RASSF9: variants seen among roughly 807,000 people sequenced by gnomAD.
The protein encoded by RASSF9 is ras association domain-containing protein 9.
In RASSF9, 18 loss-of-function variants were observed where a neutral mutation model predicts 21.4. The ratio of observed to expected loss-of-function variants is 0.84; its 90% CI spans 0.58 to 1.25. The LOEUF (loss-of-function observed/expected upper bound fraction) is 1.25. Ranked by LOEUF, RASSF9 falls within the 50% of genes most tolerant of loss-of-function variation. RASSF9 has a pLI of 0.00. For synonymous variants in RASSF9, 183 were observed against 179.1 expected (o/e 1.02, Z -0.18); for missense variants, 480 against 503.2 (o/e 0.95, Z 0.44).
intron 1 of RASSF9, among the ~76,000 whole-genome samples, chr12:85,811,798 A>G (rs1879960055): frequency 6.6e-6 from 1 of 151,808 alleles, no homozygotes; most frequent in Non-Finnish European, 1.5e-5. Context: ...TAACAAGGTA[A>G]TTCACCAGAT....
rs746086153 is a variant in RASSF9 at position 85,805,402 on chromosome 12, C to T, written c.608G>A (p.Arg203Lys). 1.2e-6 allele frequency: 2 copies of T among 1,613,740 alleles called. No individual in the cohort carries two copies. The highest frequency in any genetic ancestry group is 1.1e-5 in the South Asian group (1 of 91,066). ...AATTTCCAGATCCAGCTCTTTCATTCTCTTGACTTGCTGATGAATAGTATG... is the reference window on the plus strand; with the variant it reads ...AATTTCCAGATCCAGCTCTTTCATTTTCTTGACTTGCTGATGAATAGTATG... ...QDHTIHQQVKRMKELDLEIEK... is the reference protein window; with the variant it reads ...QDHTIHQQVKKMKELDLEIEK... Residue 203 changes from arginine (R) to lysine (K), a missense_variant, in exon 2 of 2, where the codon AGA becomes AAA. By Grantham distance (26) the Arg-to-Lys change is conservative. Transcript: ENST00000361228.
At chr12:85,810,992 A>T (rs1268619672) in intron 1 of RASSF9, among the ~76,000 whole-genome samples, 1 of 151,884 alleles carries the variant, frequency 6.6e-6, no homozygotes, top group Admixed American at 6.6e-5. Flanking sequence ...ATGAAATCTC[A>T]TATCCCAAGA....
intron 1 of RASSF9, among the ~76,000 whole-genome samples, chr12:85,824,043 T>G (rs761343910): frequency 2.6e-4 from 39 of 152,302 alleles, no homozygotes; most frequent in Middle Eastern, 6.8e-3. Context: ...GTAAACCAAT[T>G]GTATGATGAT....
At chr12:85,806,023 G>A (rs958844001) in intron 1 of RASSF9, 61 bp from the exon 2 acceptor site, 1 of 1,495,506 alleles carries the variant, frequency 6.7e-7, no homozygotes, top group African/African-American at 1.4e-5. Context: ...TCAGAAAGAT[G>A]GTTTAACATT....
In RASSF9 at chr12:85,804,603, T is replaced by C. The variant is rs1879773475; in HGVS notation, c.*99A>G. On this transcript the variant is annotated 3_prime_UTR_variant, in exon 2 of 2. Coordinates refer to ENST00000361228, the MANE Select transcript of RASSF9 (RefSeq NM_005447.4). The stretch of plus-strand genomic sequence containing the variant: ...TTATTAACTATTGAATACTACAATA[T>C]GATTTACATTTTTTTGAGTGTTATA... The C allele has an allele frequency of 2.4e-6, 3 of 1,225,592 alleles. No homozygotes were observed. The highest frequency in any genetic ancestry group is 1.8e-5 in the South Asian group (1 of 56,062). The allele number at this position is 1,225,592 out of a possible 1,614,324, so 75.9% of individuals were successfully genotyped here.
At chr12:85,810,188 A>T (rs1017655948) in intron 1 of RASSF9, among the ~76,000 whole-genome samples, 1 of 151,972 alleles carries the variant, frequency 6.6e-6, no homozygotes, top group African/African-American at 2.4e-5. Flanking sequence ...AAAATAAACC[A>T]TATTTATTTT....
In RASSF9 at chr12:85,805,717, T is replaced by C; in HGVS notation, c.293A>G (p.Lys98Arg). The change falls in exon 2 of 2, where the codon AAG becomes AGG. Residue 98 changes from lysine to arginine, a missense_variant. Transcript: ENST00000361228. ...RVLPPLTRIL[K>R]LWKAWGDEQP... is the part of the protein sequence containing the mutation. ...CTCATCTCCCCACGCTTTCCAAAGC[T>C]TCAGGATTCTAGTTAGTGGAGGAAG... 1 of 1,613,980 alleles carries C rather than the reference T, an allele frequency of 6.2e-7. No homozygotes were observed. Among genetic ancestry groups the C allele is most frequent in the East Asian group, 2.2e-5 (1 of 44,876 alleles).
Position 85,804,709 on chromosome 12 carries a change from G to A in RASSF9, c.1301C>T (p.Ser434Leu), listed in dbSNP as rs767590315. Residue 434 changes from serine to leucine, a missense_variant, in exon 2 of 2, where the codon TCA (serine) becomes TTA (leucine). By Grantham distance (145) the Ser-to-Leu change is moderately radical. Transcript: ENST00000361228. ...ETTVGDVVLLST is the reference protein window; with the variant it reads ...ETTVGDVVLLLT ...AGAAAGGAGCCATTGGAACTATGTT[G>A]ACAACAGCACCACATCTCCTACTGT... The A allele has an allele frequency of 8.2e-6, 13 of 1,593,366 alleles. No individual in the cohort carries two copies. Among genetic ancestry groups the A allele is most frequent in the Non-Finnish European group, 1.1e-5 (13 of 1,165,368 alleles).
At chr12:85,828,451 A>G (rs944628977) in intron 1 of RASSF9, among the ~76,000 whole-genome samples, 1 of 152,146 alleles carries the variant, frequency 6.6e-6, no homozygotes, top group Non-Finnish European at 1.5e-5. Flanking sequence ...GCTTGTATCA[A>G]AATATCTCAT....
At chr12:85,834,344 A>G (rs1211201840) in intron 1 of RASSF9, among the ~76,000 whole-genome samples, 1 of 152,070 alleles carries the variant, frequency 6.6e-6, no homozygotes, top group African/African-American at 2.4e-5. Flanking sequence ...TTGAAATTCA[A>G]CACTATTAAA....
intron 1 of RASSF9, among the ~76,000 whole-genome samples, chr12:85,829,788 G>A (rs993652383): frequency 6.6e-6 from 1 of 151,968 alleles, no homozygotes; most frequent in Non-Finnish European, 1.5e-5. Flanking sequence ...ACTCTACAGA[G>A]GAATAGCCTT....
chr12:85,806,182 G>A (rs1879828417), intron 1 of RASSF9, among the ~76,000 whole-genome samples: 2 of 151,438 alleles, frequency 1.3e-5, no homozygotes, highest in Non-Finnish European at 2.9e-5. Flanking sequence ...CAGTAGCTGG[G>A]ACTACAGGCA....
intron 1 of RASSF9, 131 bp from the exon 2 acceptor site, chr12:85,806,093 C>G: frequency 1.0e-6 from 1 of 987,276 alleles, no homozygotes; most frequent in Non-Finnish European, 1.4e-6. Context: ...GTCGCCCAGG[C>G]TGGAGTGCAG....
At chr12:85,811,305 T>C (rs1236486916) in intron 1 of RASSF9, among the ~76,000 whole-genome samples, 3 of 151,832 alleles carry the variant, frequency 2.0e-5, no homozygotes, top group Admixed American at 2.0e-4. Context: ...AGGCAGATGA[T>C]AAAATTGATA....
intron 1 of RASSF9, among the ~76,000 whole-genome samples, chr12:85,828,976 A>C (rs554856036): frequency 6.6e-6 from 1 of 152,308 alleles, no homozygotes; most frequent in South Asian, 2.1e-4. Context: ...ACAGAGCTGA[A>C]ATAGATATCC....
At chr12:85,826,638 G>A (rs560508715) in intron 1 of RASSF9, among the ~76,000 whole-genome samples, 2 of 138,324 alleles carry the variant, frequency 1.4e-5, no homozygotes, top group East Asian at 2.0e-4. Flanking sequence ...TAGTAGAGTC[G>A]GGGTTTCACT....
intron 1 of RASSF9, among the ~76,000 whole-genome samples, chr12:85,824,630 A>G (rs893627771): frequency 6.7e-6 from 1 of 150,040 alleles, no homozygotes; most frequent in African/African-American, 2.5e-5. Flanking sequence ...TTATCCCACT[A>G]TCTCTTGTCT....
intron 1 of RASSF9, among the ~76,000 whole-genome samples, chr12:85,833,248 T>A (rs7966491): frequency 0.05 from 7,526 of 151,918 alleles, 399 homozygotes; most frequent in African/African-American, 0.13. Context: ...TGTCACATGA[T>A]GAATAGAGAA....
At chr12:85,820,604 TC>T (rs1296566361) in intron 1 of RASSF9, among the ~76,000 whole-genome samples, 6 of 152,272 alleles carry the variant, frequency 3.9e-5, no homozygotes, top group Admixed American at 2.0e-4. Flanking sequence ...TCCTCAGAAG[TC>T]ACCTGTATTT....
Sources: allele counts gnomAD v4.1 joint callset (sites outside exome capture counted in the v4.1 genomes callset), GRCh38; gene constraint gnomAD v4.1.1; transcripts MANE v1.5; gene names NCBI Gene and HGNC (gene_info 2026-07-23, HGNC 2026-07-21).